The following POU2F2 variants were observed in gnomAD, a reference collection of about 807,000 sequenced individuals.
The protein encoded by POU2F2 is POU class 2 homeobox 2.
Under a neutral mutation model 63.5 loss-of-function variants are expected in POU2F2, and 14 were observed. The ratio of observed to expected loss-of-function variants is 0.22; its 90% confidence interval spans 0.15 to 0.34. The LOEUF is 0.34. POU2F2 is among the 10% of genes least tolerant of loss of function. The pLI is 1.00. For synonymous variants in POU2F2, 306 were observed against 348.6 expected, an observed-to-expected ratio of 0.88 and a Z score of 1.36; for missense variants, 607 against 815.2, an observed-to-expected ratio of 0.74 and a Z score of 3.11.
chr19:42,092,070 C>G lies in POU2F2; in HGVS notation c.1465G>C (p.Gly489Arg). 1 of 1,597,654 alleles carries G rather than the reference C, an allele frequency of 6.3e-7. No homozygotes were observed. Among genetic ancestry groups the G allele is most frequent in the Non-Finnish European group, 8.5e-7 (1 of 1,173,134 alleles). The part of the protein sequence containing the change: ...IGLSGLNPST[G>R]STMVGLSSGL... ...AGCTTCCCACGTGCACCCACTTACCCCGTGCTGGGGTTCAGGCCTGACAAG... is the reference window on the plus strand; with the variant it reads ...AGCTTCCCACGTGCACCCACTTACCGCGTGCTGGGGTTCAGGCCTGACAAG... Residue 489 changes from glycine (G) to arginine (R), a missense_variant and splice_region_variant, in exon 13 of 15, where the codon GGA becomes CGA. Gly to Arg is a moderately radical substitution (Grantham distance 125, BLOSUM62 -2). Transcript: ENST00000692977. The surrounding 1 kb of genome is among the most constrained non-coding windows in gnomAD (Gnocchi z 5.0).
At chr19:42,142,314 C>T (rs2034144104) in intron 2 of POU2F2, among the ~76,000 whole-genome samples, 1 of 151,976 alleles carries the variant, frequency 6.6e-6, no homozygotes, top group African/African-American at 2.4e-5. Context: ...CCTCAGCCTC[C>T]CGAGTAGCTG....
At chr19:42,160,924 T>C (rs932922419) in intron 1 of POU2F2, among the ~76,000 whole-genome samples, 2 of 152,240 alleles carry the variant, frequency 1.3e-5, no homozygotes, top group African/African-American at 4.8e-5. Flanking sequence ...CATAATGATA[T>C]TTCTGACTTG....
At chr19:42,125,085 A>G (rs569388295) in intron 1 of POU2F2, among the ~76,000 whole-genome samples, 1 of 152,306 alleles carries the variant, frequency 6.6e-6, no homozygotes, top group African/African-American at 2.4e-5. Flanking sequence ...TAAAAAGCAA[A>G]ACGCCAGCAC....
At chr19:42,114,259 A>AG (rs1453975226) in intron 5 of POU2F2, among the ~76,000 whole-genome samples, 1 of 152,048 alleles carries the variant, frequency 6.6e-6, no homozygotes, top group Admixed American at 6.6e-5. Context: ...GGTCTGCGCT[A>AG]GGCTGCCCTG....
intron 4 of POU2F2, among the ~76,000 whole-genome samples, chr19:42,120,583 T>G (rs576860115): frequency 6.6e-6 from 1 of 152,330 alleles, no homozygotes; most frequent in South Asian, 2.1e-4. Flanking sequence ...CTCTGAGGTT[T>G]AGACCCTTCG....
chr19:42,171,632 G>A (rs1316236544), intron 1 of POU2F2, among the ~76,000 whole-genome samples: 2 of 152,186 alleles, frequency 1.3e-5, no homozygotes, highest in African/African-American at 4.8e-5. Context: ...TCCGTTGCTT[G>A]TGTTTGTGAA....
In POU2F2 at chr19:42,139,095, T is replaced by G. The variant is rs114864238; in HGVS notation, c.-8-16519A>C. Reference sequence around the variant, plus strand: ...ACTTTGCAAGGTCGACGAGGGCGGATCACCTGAGGTCAGGAGTTCAAGACC... The same window carrying G: ...ACTTTGCAAGGTCGACGAGGGCGGAGCACCTGAGGTCAGGAGTTCAAGACC... On this transcript the variant is annotated intron_variant, in intron 2 of 6. Transcript: ENST00000524801. Among the ~76,000 whole-genome samples, 1,008 of 152,198 alleles carry G rather than the reference T, an allele frequency of 6.6e-3. 13 individuals are homozygous for G. Among genetic ancestry groups the G allele is most frequent in the African/African-American group, 0.023 (964 of 41,522 alleles).
rs1215079213 is a variant in POU2F2, at chr19:42,086,724, C to T, written c.*4533G>A. On this transcript the variant is annotated 3_prime_UTR_variant, in exon 15 of 15. Coordinates refer to ENST00000692977, the MANE Select transcript of POU2F2 (RefSeq NM_001394376.1). ...CCGAGAGAGGCCCCCAGTCACCCTG[C>T]AATTATATAAATAAATAAATACTGA... 2 of 151,756 alleles carry T rather than the reference C, an allele frequency of 1.3e-5. No individual in the cohort carries two copies. Among genetic ancestry groups the T allele is most frequent in the Admixed American group, 1.3e-4 (2 of 15,216 alleles). The allele number at this position is 151,756 out of a possible 1,614,324, so 9.4% of individuals were successfully genotyped here.
At position 42,153,657 on chromosome 19, in the gene POU2F2, CTG is replaced by C. The variant is rs2034399230; in HGVS notation, c.-9+6673_-9+6674del. Among the ~76,000 whole-genome samples, 1 of 152,136 alleles carries C rather than the reference CTG, an allele frequency of 6.6e-6. No homozygotes were observed. The highest frequency in any genetic ancestry group is 2.1e-4 in the South Asian group (1 of 4,826). ...GTGTCGGAGAGTCCATGCGGTTTCTCTGTGTGTCTATGTGATGCTGTGTGTCC... is the reference window on the plus strand; with the variant it reads ...GTGTCGGAGAGTCCATGCGGTTTCTCTGTGTCTATGTGATGCTGTGTGTCC... On this transcript the variant is annotated intron_variant, in intron 2 of 6. Transcript: ENST00000524801. This position sits in a 1 kb window ranked among gnomAD's most constrained non-coding sequence, Gnocchi z 5.6.
chr19:42,150,696 C>A (rs1211310452), intron 2 of POU2F2, among the ~76,000 whole-genome samples: 1 of 151,110 alleles, frequency 6.6e-6, no homozygotes, highest in Non-Finnish European at 1.5e-5. Context: ...CCGCTTAGTT[C>A]TTATTATATT....
chr19:42,092,159 G>A lies in POU2F2; in HGVS notation c.1376C>T (p.Pro459Leu), dbSNP rs1459694744. Reference protein sequence around the residue: ...PPLNSIPSVTPPPPATTNSTN... With the variant: ...PPLNSIPSVTLPPPATTNSTN... ...GCTGTTGGTGGTGGCCGGGGGTGGGGGAGTGACAGAGGGGATGGAATTGAG... is the reference window on the plus strand; with the variant it reads ...GCTGTTGGTGGTGGCCGGGGGTGGGAGAGTGACAGAGGGGATGGAATTGAG... Residue 459 changes from proline to leucine, a missense_variant, in exon 13 of 15, where the codon CCC becomes CTC. By Grantham distance (98) the Pro-to-Leu change is moderately conservative. Around this residue, in one of 7 missense-constraint regions of POU2F2, gnomAD observed 270 missense variants for 307.5 expected, o/e 0.88. Coordinates refer to ENST00000692977, the MANE Select transcript of POU2F2 (RefSeq NM_001394376.1). The surrounding 1 kb of genome is among the most constrained non-coding windows in gnomAD (Gnocchi z 5.0). 16 of 1,583,184 alleles carry A rather than the reference G, an allele frequency of 1.0e-5. No individual in the cohort carries two copies. Among genetic ancestry groups the A allele is most frequent in the Non-Finnish European group, 1.4e-5 (16 of 1,166,628 alleles).
chr19:42,181,663 T>G (rs1324528261), intron 1 of POU2F2, among the ~76,000 whole-genome samples: 1 of 152,160 alleles, frequency 6.6e-6, no homozygotes, highest in Non-Finnish European at 1.5e-5. Context: ...CTCGGCTCTC[T>G]GCAACCTCTG....
At chr19:42,166,928 T>C (rs942636905) in intron 1 of POU2F2, among the ~76,000 whole-genome samples, 1 of 151,986 alleles carries the variant, frequency 6.6e-6, no homozygotes, top group Non-Finnish European at 1.5e-5. Flanking sequence ...AAGTAGGTGA[T>C]ATATTGGGCA....
intron 5 of POU2F2, 145 bp from the exon 6 acceptor site, chr19:42,099,966 C>A: frequency 3.0e-6 from 2 of 669,520 alleles, no homozygotes; most frequent in South Asian, 1.8e-5. Context: ...ATCGTCCACT[C>A]GGTCTCTGAA....
At position 42,088,110 on chromosome 19, in the gene POU2F2, C is replaced by A. The variant is rs557950747; in HGVS notation, c.*3147G>T. The A allele has an allele frequency of 1.3e-5, 2 of 152,310 alleles. No individual in the cohort carries two copies. The highest frequency in any genetic ancestry group is 3.9e-4 in the East Asian group (2 of 5,164). The allele number at this position is 152,310 out of a possible 1,614,324, so 9.4% of individuals were successfully genotyped here. On this transcript the variant is annotated 3_prime_UTR_variant, in exon 15 of 15. Coordinates refer to ENST00000692977, the MANE Select transcript of POU2F2 (RefSeq NM_001394376.1). ...TAAAGTTCTATGAGGTATTTGGTGC[C>A]TTATCTCGAGTCCTCAGGGGAGGGG...
At chr19:42,179,175 A>C (rs377376464), upstream of POU2F2, among the ~76,000 whole-genome samples, 1 of 152,004 alleles carries the variant, frequency 6.6e-6, no homozygotes, top group Non-Finnish European at 1.5e-5. Context: ...GAAGGTGACA[A>C]GAGGGTCCAG....
chr19:42,111,748 T>C (rs1347274722), intron 5 of POU2F2, among the ~76,000 whole-genome samples: 1 of 152,174 alleles, frequency 6.6e-6, no homozygotes, highest in Non-Finnish European at 1.5e-5. Context: ...GCCACCCTCA[T>C]GTCCCATCTG....
intron 5 of POU2F2, among the ~76,000 whole-genome samples, chr19:42,101,805 G>A (rs576590781): frequency 2.6e-4 from 40 of 151,860 alleles, no homozygotes; most frequent in Middle Eastern, 3.4e-3. Flanking sequence ...GTGGAACCCC[G>A]TCTCTACTAA....
intron 4 of POU2F2, among the ~76,000 whole-genome samples, chr19:42,119,378 G>GT (rs966491556): frequency 3.3e-5 from 5 of 152,098 alleles, no homozygotes; most frequent in African/African-American, 9.7e-5. Flanking sequence ...TTAATACAAA[G>GT]TTTTTTTAAA....
Sources: gnomAD v4.1 joint callset for allele counts (sites outside exome capture counted in the v4.1 genomes callset) on GRCh38, gnomAD v4.1.1 for gene constraint, gnomAD v4.1.1 regional missense constraint, Gnocchi (gnomAD v3.1) non-coding constraint, MANE v1.5 for transcripts, NCBI Gene and HGNC (gene_info 2026-07-23, HGNC 2026-07-21) for gene names.